The following MYBL1 variants were observed in gnomAD, a reference collection of about 807,000 sequenced individuals.
MYBL1 encodes MYB proto-oncogene like 1, also known as myb-related protein A.
Under a neutral mutation model 96.3 loss-of-function variants are expected in MYBL1, and 17 were observed. The observed-to-expected ratio is 0.18, with a 90% CI of 0.12 to 0.26. MYBL1 has a LOEUF of 0.26. MYBL1 is among the 10% of genes least tolerant of loss of function. MYBL1 has a pLI of 1.00. For missense variants in MYBL1, 701 were observed against 882.9 expected, an observed-to-expected ratio of 0.79 and a Z score of 2.61; for synonymous variants, 282 against 292.7, an observed-to-expected ratio of 0.96 and a Z score of 0.37.
At chr8:66,609,841 A>G (rs530386472) in intron 1 of MYBL1, among the ~76,000 whole-genome samples, 59 of 152,182 alleles carry the variant, frequency 3.9e-4, no homozygotes, top group African/African-American at 1.3e-3. Context: ...GGCAGAGTTT[A>G]CCTGCTTCCC....
intron 8 of MYBL1, among the ~76,000 whole-genome samples, chr8:66,582,541 CAAAAAAAAAAAA>C (rs34952299): frequency 1.9e-4 from 9 of 48,268 alleles, no homozygotes; most frequent in African/African-American, 6.5e-4. Flanking sequence ...TCCATCTCTA[CAAAAAAAAAAAA>C]AAAAAAAAAA....
intron 15 of MYBL1, 146 bp downstream of exon 15, chr8:66,565,918 G>A: frequency 3.3e-6 from 2 of 602,774 alleles, no homozygotes; most frequent in Non-Finnish European, 5.5e-6. Flanking sequence ...ACCCAAATGT[G>A]AGTGATAAAA....
chr8:66,589,938 G>T (rs1001188329), intron 8 of MYBL1, among the ~76,000 whole-genome samples: 24 of 151,950 alleles, frequency 1.6e-4, no homozygotes, highest in African/African-American at 5.8e-4. Context: ...GCCAAGTGTG[G>T]TGGCACACAC....
At chr8:66,602,350 C>A in intron 2 of MYBL1, 68 bp downstream of exon 2, 3 of 1,087,272 alleles carry the variant, frequency 2.8e-6, no homozygotes, top group Non-Finnish European at 3.9e-6. Context: ...CACACCTGGC[C>A]GTATAACTAT....
chr8:66,579,457 G>A (rs1025256642), intron 9 of MYBL1, among the ~76,000 whole-genome samples: 2 of 152,030 alleles, frequency 1.3e-5, no homozygotes, highest in Admixed American at 1.3e-4. Context: ...AGGAGTTCAA[G>A]ACCAGCCTGG....
Position 66,593,110 on chromosome 8 carries a change from TA to T in MYBL1, c.762+9del, listed in dbSNP as rs758200913. On this transcript the variant is annotated intron_variant, in intron 7 of 15. Coordinates refer to ENST00000522677, the MANE Select transcript of MYBL1 (RefSeq NM_001080416.4). Reference sequence around the variant, plus strand: ...CATTTCCTTTGGTTTTCGTTATAAATAAAAGTTACCTGAATAAAGGCAGAAG... The same window carrying T: ...CATTTCCTTTGGTTTTCGTTATAAATAAAGTTACCTGAATAAAGGCAGAAG... 1.3e-6 allele frequency: 2 copies of T among 1,539,878 alleles called. No individual in the cohort carries two copies. The highest frequency in any genetic ancestry group is 8.8e-7 in the Non-Finnish European group (1 of 1,132,546).
rs1378211755 is a variant in MYBL1 at position 66,562,297 on chromosome 8, A to C, written c.*2400T>G. Reference sequence around the variant, plus strand: ...ATTTAGTCAGGGTAATTGCTGTATTAATGTGAAAACCTTACAATAAAATGC... The same window carrying C: ...ATTTAGTCAGGGTAATTGCTGTATTCATGTGAAAACCTTACAATAAAATGC... On this transcript the variant is annotated 3_prime_UTR_variant, in exon 16 of 16. Transcript: ENST00000522677. 2.0e-5 allele frequency: 3 copies of C among 152,676 alleles called. No individual in the cohort carries two copies. Among genetic ancestry groups the C allele is most frequent in the African/African-American group, 4.8e-5 (2 of 41,464 alleles). The allele number at this position is 152,676 out of a possible 1,614,324, so 9.5% of individuals were successfully genotyped here. A position where few individuals can be genotyped will look rare whatever the true frequency, so the allele number is the denominator to read the frequency against.
At position 66,566,931 on chromosome 8, in the gene MYBL1, G is replaced by T. The variant is rs769136440; in HGVS notation, c.1790C>A (p.Thr597Lys). 7 of 1,613,180 alleles carry T rather than the reference G, an allele frequency of 4.3e-6. No individual in the cohort carries two copies. Among genetic ancestry groups the T allele is most frequent in the South Asian group, 1.1e-5 (1 of 91,016 alleles). ...IREVLKEETG[T>K]DLFLKEEDEP... ...ATCTTCCTCTTTGAGGAATAGGTCT[G>T]TTCCAGTTTCTTCTTTTAAAACTTC... Residue 597 changes from threonine (T) to lysine (K), a missense_variant, in exon 13 of 16, where the codon ACA becomes AAA. Physicochemically the swap from Thr to Lys is moderately conservative, Grantham distance 78 (BLOSUM62 -1). Transcript: ENST00000522677.
rs1810587597 is a variant in MYBL1 at position 66,612,835 on chromosome 8, C to T, written c.4G>A (p.Ala2Thr). Residue 2 changes from alanine (A) to threonine (T), a missense_variant, in exon 1 of 16, where the codon GCG (alanine) becomes ACG (threonine). Around this residue, in one of 5 missense-constraint regions of MYBL1, gnomAD observed 68 missense variants for 93.8 expected, o/e 0.72. Coordinates refer to ENST00000522677, the MANE Select transcript of MYBL1 (RefSeq NM_001080416.4). The stretch of plus-strand genomic sequence containing the variant: ...GCCACCCACCTGCGCGACCTCTTCG[C>T]CATCCTTCAAGTACCGCATAGGAGC... M[A>T]KRSRSEDEDD... 4 of 1,374,402 alleles carry T rather than the reference C, an allele frequency of 2.9e-6. No individual in the cohort carries two copies. Among genetic ancestry groups the T allele is most frequent in the Non-Finnish European group, 2.8e-6 (3 of 1,054,926 alleles). 85.1% of individuals were successfully genotyped at this position (1,374,402 alleles called of 1,614,324 possible).
Position 66,566,226 on chromosome 8 carries a change from A to G in MYBL1, c.1968T>C (p.Thr656=). 1 of 1,482,036 alleles carries G rather than the reference A, an allele frequency of 6.7e-7. No homozygotes were observed. The highest frequency in any genetic ancestry group is 9.1e-7 in the Non-Finnish European group (1 of 1,098,152). 91.8% of individuals were successfully genotyped at this position (1,482,036 alleles called of 1,614,324 possible). A position where few individuals can be genotyped will look rare whatever the true frequency, so the allele number is the denominator to read the frequency against. Residue 656 remains threonine, a synonymous_variant, in exon 15 of 16, where the codon ACT becomes ACC. Transcript: ENST00000522677. ...ISDMQSENRF[T]TSLLMIPLLE... is the part of the protein sequence containing the mutation. ...ATAATGGTATCATTAATAAGGATGT[A>G]GTAAATCTATTTTCTGACTAAGAGA...
At position 66,612,253 on chromosome 8, in the gene MYBL1, A is replaced by G. The variant is rs1810559213; in HGVS notation, c.20+566T>C. 3 of 152,432 alleles carry G rather than the reference A, an allele frequency of 2.0e-5. 1 individual carries two copies. In the South Asian group the frequency reaches 6.2e-4, roughly 32 times the overall value. 9.4% of individuals were successfully genotyped at this position (152,432 alleles called of 1,614,324 possible). A position where few individuals can be genotyped will look rare whatever the true frequency, so the allele number is the denominator to read the frequency against. ...AGAGAGGATATTAAAATATACATAT[A>G]TACATAAAGCTGAGCATATGGGTAT... On this transcript the variant is annotated intron_variant, in intron 1 of 15. Transcript: ENST00000522677.
rs935605353 is a variant in MYBL1, at chr8:66,573,237, C to CA, written c.1613+126dup. Reference sequence around the variant, plus strand: ...CTCAAACAAACAAAACAAAACAAAACAAAAAAAATTCTAAGTCCTGTAGGA... The same window carrying CA: ...CTCAAACAAACAAAACAAAACAAAACAAAAAAAAATTCTAAGTCCTGTAGGA... On this transcript the variant is annotated intron_variant, in intron 11 of 15. Coordinates refer to ENST00000522677, the MANE Select transcript of MYBL1 (RefSeq NM_001080416.4). 63 of 977,938 alleles carry CA rather than the reference C, an allele frequency of 6.4e-5. No individual in the cohort carries two copies. In the South Asian group the frequency reaches 7.1e-4, roughly 11 times the overall value. 60.6% of individuals were successfully genotyped at this position (977,938 alleles called of 1,614,324 possible).
chr8:66,569,996 C>CA, intron 12 of MYBL1, among the ~76,000 whole-genome samples: 1 of 151,972 alleles, frequency 6.6e-6, no homozygotes, highest in East Asian at 1.9e-4. Flanking sequence ...TAGTAAGATA[C>CA]AAAAGAAAGC....
intron 5 of MYBL1, among the ~76,000 whole-genome samples, chr8:66,596,167 A>G (rs1809842008): frequency 6.6e-6 from 1 of 152,180 alleles, no homozygotes; most frequent in Non-Finnish European, 1.5e-5. Context: ...GTTAGAACAA[A>G]CCAGCTATAC....
At chr8:66,572,148 C>G (rs542240923) in intron 12 of MYBL1, among the ~76,000 whole-genome samples, 6 of 151,480 alleles carry the variant, frequency 4.0e-5, no homozygotes, top group Admixed American at 3.3e-4. Context: ...GGTGAAACCC[C>G]ATCTCTACTA....
At chr8:66,576,443 A>C in intron 9 of MYBL1, 68 bp from the exon 10 acceptor site, 1 of 1,478,600 alleles carries the variant, frequency 6.8e-7, no homozygotes, top group East Asian at 2.3e-5. Context: ...TGAACACAGG[A>C]TGATGATTTC....
At chr8:66,593,863 C>A (rs1193373107) in intron 6 of MYBL1, among the ~76,000 whole-genome samples, 2 of 152,042 alleles carry the variant, frequency 1.3e-5, no homozygotes, top group Non-Finnish European at 2.9e-5. Flanking sequence ...GGGCCGGGTA[C>A]AGTGGCCCAC....
rs1299346135 is a variant in MYBL1 at position 66,597,230 on chromosome 8, T to A, written c.512+100A>T. The A allele has an allele frequency of 1.2e-5, 10 of 861,188 alleles. No individual in the cohort carries two copies. The African/African-American group carries it at 1.4e-4, about 12-fold the overall frequency. 53.3% of individuals were successfully genotyped at this position (861,188 alleles called of 1,614,324 possible). A position where few individuals can be genotyped will look rare whatever the true frequency, so the allele number is the denominator to read the frequency against. ...TATAGTCTACATTTTAATTACAAATTTAAAAAATAAGTCATCGGGGACTTG... is the reference window on the plus strand; with the variant it reads ...TATAGTCTACATTTTAATTACAAATATAAAAAATAAGTCATCGGGGACTTG... On this transcript the variant is annotated intron_variant, in intron 5 of 15. Coordinates refer to ENST00000522677, the MANE Select transcript of MYBL1 (RefSeq NM_001080416.4).
chr8:66,588,460 T>C (rs957447747), intron 8 of MYBL1, among the ~76,000 whole-genome samples: 7 of 151,886 alleles, frequency 4.6e-5, no homozygotes, highest in Non-Finnish European at 8.8e-5. Context: ...TTGTATTTTT[T>C]GCAGAGACAG....
Sources: gnomAD v4.1 joint callset for allele counts (sites outside exome capture counted in the v4.1 genomes callset) on GRCh38, gnomAD v4.1.1 for gene constraint, gnomAD v4.1.1 regional missense constraint, MANE v1.5 for transcripts, NCBI Gene and HGNC (gene_info 2026-07-23, HGNC 2026-07-21) for gene names.